The following SPG11 variants were observed in gnomAD, a reference collection of about 807,000 sequenced individuals.
SPG11 encodes SPG11 vesicle trafficking associated, spatacsin, also known as spatacsin.
A neutral mutation model predicts 274.0 loss-of-function variants in SPG11; 222 were observed. The observed-to-expected ratio is 0.81, with a 90% confidence interval of 0.73 to 0.91. SPG11 has a LOEUF of 0.91. SPG11 is among the 40% of genes least tolerant of loss of function. SPG11 has a pLI of 0.00. For missense variants in SPG11, 3,114 were observed against 2,872.7 expected, an observed-to-expected ratio of 1.08 and a Z score of -1.92; for synonymous variants, 1,144 against 1,039.7, an observed-to-expected ratio of 1.10 and a Z score of -1.93.
At chr15:44,572,983 T>C (rs2082455371) in intron 32 of SPG11, among the ~76,000 whole-genome samples, 163 bp from the exon 33 acceptor site, 3 of 137,656 alleles carry the variant, frequency 2.2e-5, no homozygotes, top group African/African-American at 8.2e-5. Context: ...AGGAGTTCTT[T>C]TTTTTTTTTT....
intron 33 of SPG11, among the ~76,000 whole-genome samples, chr15:44,571,730 C>T (rs910084263): frequency 1.3e-5 from 2 of 151,944 alleles, no homozygotes; most frequent in African/African-American, 4.8e-5. Context: ...ATCTCCTGAC[C>T]TCATGATCCA....
chr15:44,567,638 C>G, intron 35 of SPG11, 46 bp from the exon 36 acceptor site: 1 of 1,605,624 alleles, frequency 6.2e-7, no homozygotes, highest in South Asian at 1.1e-5. Flanking sequence ...TCAGGGACTG[C>G]AAGGCAGACA....
chr15:44,585,719 G>A lies in SPG11; in HGVS notation c.5038C>T (p.Leu1680=), dbSNP rs1325298833. The change falls in exon 29 of 40, where the codon CTG becomes TTG. Residue 1680 remains leucine (L), a synonymous_variant. Coordinates refer to ENST00000261866, the MANE Select transcript of SPG11 (RefSeq NM_025137.4). ...QHECRSILER[L]QTDGQFALAR... is the part of the protein sequence containing the mutation. ...AAAGCGAATTGTCCATCTGTCTGCA[G>A]TCTTTCCAAAATAGATCTACATTCA... is the stretch of plus-strand genomic sequence containing the variant. The A allele has an allele frequency of 6.2e-7, 1 of 1,613,656 alleles. No homozygotes were observed. Among genetic ancestry groups the A allele is most frequent in the South Asian group, 1.1e-5 (1 of 91,068 alleles).
At chr15:44,586,167 T>G (rs1351802895) in intron 28 of SPG11, among the ~76,000 whole-genome samples, 1 of 151,700 alleles carries the variant, frequency 6.6e-6, no homozygotes, top group Non-Finnish European at 1.5e-5. Flanking sequence ...GTACTTTTAG[T>G]AGAGATGGGA....
Position 44,596,235 on chromosome 15 carries a change from G to A in SPG11, c.4282C>T (p.Pro1428Ser). 6.2e-7 allele frequency: 1 copy of A among 1,614,098 alleles called. No homozygotes were observed. Among genetic ancestry groups the A allele is most frequent in the Non-Finnish European group, 8.5e-7 (1 of 1,180,014 alleles). ...TGTTTGCTTCCTTGAAGTTCCTGGG[G>A]GCACTTATTGCAGACTTGATCGCTG... ...MDSDQVCNKC[P>S]QELQGSKQEM... Residue 1428 changes from proline (P) to serine (S), a missense_variant, in exon 25 of 40, where the codon CCC becomes TCC. Coordinates refer to ENST00000261866, the MANE Select transcript of SPG11 (RefSeq NM_025137.4).
In SPG11 at chr15:44,651,673, A is replaced by G; in HGVS notation, c.1274T>C (p.Ile425Thr). Reference protein sequence around the residue: ...IMHISEQEEPIELKCVSVTGF... With the variant: ...IMHISEQEEPTELKCVSVTGF... Reference sequence around the variant, plus strand: ...TGTCACAGACACACATTTAAGCTCTATGGGTTCCTCTTGTTCACTGATGTG... The same window carrying G: ...TGTCACAGACACACATTTAAGCTCTGTGGGTTCCTCTTGTTCACTGATGTG... The change falls in exon 6 of 40, where the codon ATA (isoleucine) becomes ACA (threonine). Residue 425 changes from isoleucine (I) to threonine (T), a missense_variant. By Grantham distance (89) the Ile-to-Thr change is moderately conservative (BLOSUM62 -1). Transcript: ENST00000261866. 2 of 1,614,178 alleles carry G rather than the reference A, an allele frequency of 1.2e-6. No individual in the cohort carries two copies. The highest frequency in any genetic ancestry group is 1.7e-6 in the Non-Finnish European group (2 of 1,180,030).
At chr15:44,568,507 T>G (rs899437098) in intron 35 of SPG11, among the ~76,000 whole-genome samples, 3 of 152,180 alleles carry the variant, frequency 2.0e-5, no homozygotes, top group Non-Finnish European at 4.4e-5. Flanking sequence ...CATCCAAATG[T>G]TCTGGAAACA....
At chr15:44,583,230 G>C (rs763685544) in intron 30 of SPG11, among the ~76,000 whole-genome samples, 1 of 152,094 alleles carries the variant, frequency 6.6e-6, no homozygotes, top group African/African-American at 2.4e-5. Flanking sequence ...CTATAATCTC[G>C]GCACTTTGGG....
chr15:44,657,009 A>T (rs2084959071), intron 4 of SPG11, 86 bp downstream of exon 4: 7 of 758,240 alleles, frequency 9.2e-6, no homozygotes, highest in South Asian at 2.1e-5. Context: ...AACACTAGTT[A>T]AAAAAAAAAA....
At chr15:44,611,070 A>C in intron 17 of SPG11, 85 bp from the exon 18 acceptor site, 1 of 1,098,854 alleles carries the variant, frequency 9.1e-7, no homozygotes, top group Non-Finnish European at 1.3e-6. Context: ...CAATAACATA[A>C]ATTTTTAACT....
chr15:44,586,267 G>C (rs2082763898), intron 28 of SPG11, among the ~76,000 whole-genome samples: 1 of 152,050 alleles, frequency 6.6e-6, no homozygotes. Context: ...GAAGCCATAA[G>C]GTAGCTGTAT....
At chr15:44,658,106 C>T (rs903454496) in intron 3 of SPG11, among the ~76,000 whole-genome samples, 4 of 152,356 alleles carry the variant, frequency 2.6e-5, no homozygotes, top group African/African-American at 9.6e-5. Flanking sequence ...TGCTTAATAG[C>T]CACATACGCT....
chr15:44,598,454 G>A (rs979199877), intron 22 of SPG11, 81 bp from the exon 23 acceptor site: 97 of 1,380,360 alleles, frequency 7.0e-5, no homozygotes, highest in Non-Finnish European at 9.3e-5. Context: ...GTGTGGCTCA[G>A]GGCCATTTCA....
At chr15:44,592,651 TCTA>T (rs965949056) in intron 26 of SPG11, among the ~76,000 whole-genome samples, 10 of 151,994 alleles carry the variant, frequency 6.6e-5, no homozygotes, top group African/African-American at 2.4e-4. Context: ...AAACCCCATC[TCTA>T]CTTAAAATAT....
At chr15:44,628,876 G>A in intron 9 of SPG11, 32 bp from the exon 10 acceptor site, 1 of 1,584,480 alleles carries the variant, frequency 6.3e-7, no homozygotes, top group Non-Finnish European at 8.6e-7. Flanking sequence ...CAATTTGTGT[G>A]TGTGTGTGTA....
chr15:44,633,767 C>A, intron 7 of SPG11, 130 bp from the exon 8 acceptor site: 1 of 865,870 alleles, frequency 1.2e-6, no homozygotes. Flanking sequence ...TGCATGAGTA[C>A]ATGGGCTCCA....
intron 19 of SPG11, among the ~76,000 whole-genome samples, chr15:44,606,886 CTACTT>C (rs1157741806): frequency 1.3e-5 from 2 of 152,172 alleles, no homozygotes; most frequent in African/African-American, 4.8e-5. Context: ...CTGATCCAAA[CTACTT>C]TACGTAGTGA....
chr15:44,641,922 G>GAAAAAAAAAAAAA (rs71111874), intron 7 of SPG11, among the ~76,000 whole-genome samples: 1 of 55,918 alleles, frequency 1.8e-5, no homozygotes, highest in East Asian at 4.4e-4. Flanking sequence ...CTGCTTAACA[G>GAAAAAAAAAAAAA]AAAAAAAAAA....
chr15:44,570,796 C>T, intron 33 of SPG11, 138 bp from the exon 34 acceptor site: 1 of 1,093,014 alleles, frequency 9.1e-7, no homozygotes. Flanking sequence ...CCTCCGAAGT[C>T]CCTGAACTTA....
Sources: gnomAD v4.1 joint callset for allele counts (sites outside exome capture counted in the v4.1 genomes callset) on GRCh38, gnomAD v4.1.1 for gene constraint, MANE v1.5 for transcripts, NCBI Gene and HGNC (gene_info 2026-07-23, HGNC 2026-07-21) for gene names.